The following ADD2 variants were observed in gnomAD, a reference collection of about 807,000 sequenced individuals.
ADD2 encodes adducin 2.
A neutral mutation model predicts 83.0 loss-of-function variants in ADD2; 23 were observed. The observed-to-expected ratio is 0.28, with a 90% confidence interval of 0.20 to 0.39. The LOEUF is 0.39. ADD2 is among the 10% of genes least tolerant of loss of function. The probability of loss-of-function intolerance (pLI) is 1.00; values close to 1 mark genes in which losing one functional copy is unlikely to be tolerated. For synonymous variants in ADD2, 375 were observed against 375.4 expected (o/e 1.00, Z 0.01); for missense variants, 758 against 944.9 (o/e 0.80, Z 2.59).
intron 9 of ADD2, among the ~76,000 whole-genome samples, chr2:70,685,787 C>T (rs555284863): frequency 1.7e-4 from 26 of 152,298 alleles, no homozygotes; most frequent in Admixed American, 1.7e-3. Flanking sequence ...GGAGAGACTG[C>T]CCACAACCTT....
rs1163035182 is a variant in ADD2, at chr2:70,695,067, A to G, written c.555+654T>C. On this transcript the variant is annotated intron_variant, in intron 6 of 15. Coordinates refer to ENST00000264436, the MANE Select transcript of ADD2 (RefSeq NM_001617.4). ...TGCCTAGATATTCTATGACTTGCTG[A>G]GCCTGGACTTTTGAGTGAGTAGCCG... Among the ~76,000 whole-genome samples the G allele has an allele frequency of 2.0e-5, 3 of 151,572 alleles. No individual in the cohort carries two copies. The East Asian group carries it at 5.8e-4, about 30-fold the overall frequency.
intron 1 of ADD2, among the ~76,000 whole-genome samples, chr2:70,753,572 A>C (rs1674621763): frequency 6.6e-6 from 1 of 151,186 alleles, no homozygotes; most frequent in Admixed American, 6.6e-5. Context: ...CCAGAGCAGC[A>C]TGTCAGGGAT....
intron 10 of ADD2, among the ~76,000 whole-genome samples, chr2:70,681,044 A>G (rs1670426167): frequency 6.6e-6 from 1 of 152,218 alleles, no homozygotes; most frequent in Non-Finnish European, 1.5e-5. Context: ...GGAAGAGGAA[A>G]GGGGCCTGAA....
At chr2:70,753,977 C>T (rs1033733462) in intron 1 of ADD2, among the ~76,000 whole-genome samples, 1 of 152,054 alleles carries the variant, frequency 6.6e-6, no homozygotes, top group Non-Finnish European at 1.5e-5. Flanking sequence ...TAGACAAGGG[C>T]GTCATCACAG....
chr2:70,673,072 G>T, intron 14 of ADD2, 66 bp from the exon 15 acceptor site: 3 of 1,572,882 alleles, frequency 1.9e-6, no homozygotes, highest in Non-Finnish European at 1.7e-6. Flanking sequence ...GGGAAATAAA[G>T]CCTTTTAAAA....
At chr2:70,750,326 A>G (rs919281923) in intron 1 of ADD2, among the ~76,000 whole-genome samples, 2 of 152,162 alleles carry the variant, frequency 1.3e-5, no homozygotes, top group South Asian at 4.1e-4. Flanking sequence ...CTCAAAATTC[A>G]TGTCCCCAAA....
At chr2:70,712,832 T>G (rs1356743295) in intron 2 of ADD2, among the ~76,000 whole-genome samples, 2 of 152,270 alleles carry the variant, frequency 1.3e-5, no homozygotes, top group East Asian at 3.9e-4. Context: ...CAGGATGCTG[T>G]AAAGGGGCTT....
intron 7 of ADD2, chr2:70,691,834 C>G (rs990039833): frequency 1.3e-5 from 2 of 152,258 alleles, no homozygotes; most frequent in African/African-American, 2.4e-5. Flanking sequence ...TGGGGGTCAG[C>G]AGGATAGGGT....
At chr2:70,670,311 T>C (rs965202149) in intron 15 of ADD2, among the ~76,000 whole-genome samples, 1 of 152,228 alleles carries the variant, frequency 6.6e-6, no homozygotes, top group Admixed American at 6.5e-5. Context: ...TGCTGTGGGT[T>C]AGGAAAGGCA....
intron 2 of ADD2, among the ~76,000 whole-genome samples, chr2:70,707,215 T>C (rs1460295955): frequency 6.6e-6 from 1 of 152,254 alleles, no homozygotes; most frequent in Non-Finnish European, 1.5e-5. Flanking sequence ...ATCAGATTCT[T>C]ATTCCAAGTT....
chr2:70,766,882 CAT>C (rs2104577291), intron 1 of ADD2, among the ~76,000 whole-genome samples: 1 of 152,350 alleles, frequency 6.6e-6, no homozygotes, highest in Non-Finnish European at 1.5e-5. Flanking sequence ...GGGTATTAAT[CAT>C]GTGTCAGAGA....
At chr2:70,667,727 T>A (rs1574213664) in intron 15 of ADD2, among the ~76,000 whole-genome samples, 1 of 113,156 alleles carries the variant, frequency 8.8e-6, no homozygotes, top group Non-Finnish European at 2.1e-5. Flanking sequence ...CAAGTGATTG[T>A]CCTGCCTCAG....
intron 4 of ADD2, among the ~76,000 whole-genome samples, chr2:70,699,268 G>A (rs1369995780): frequency 6.6e-6 from 1 of 152,094 alleles, no homozygotes; most frequent in Non-Finnish European, 1.5e-5. Flanking sequence ...GTGCATGTGA[G>A]TACTCACTGA....
intron 6 of ADD2, among the ~76,000 whole-genome samples, 198 bp from the exon 7 acceptor site, chr2:70,692,750 C>T (rs962807155): frequency 1.6e-4 from 24 of 152,022 alleles, no homozygotes; most frequent in Non-Finnish European, 2.9e-4. Flanking sequence ...GGGACACAGA[C>T]GATTATAATT....
rs377111791 is a variant in ADD2 at position 70,728,629 on chromosome 2, G to C, written c.-153-15445C>G. Among the ~76,000 whole-genome samples, 10 of 152,332 alleles carry C rather than the reference G, an allele frequency of 6.6e-5. 1 individual carries two copies. In the East Asian group the frequency reaches 1.3e-3, roughly 21 times the overall value. ...TCTAGAAAAACATGCTATGGACATT[G>C]CCCTTTTGCGAGTTATTTTATGATG... On this transcript the variant is annotated intron_variant, in intron 1 of 15. Transcript: ENST00000264436.
intron 1 of ADD2, among the ~76,000 whole-genome samples, chr2:70,756,782 A>G (rs957489359): frequency 7.2e-5 from 11 of 152,094 alleles, no homozygotes; most frequent in Non-Finnish European, 1.2e-4. Flanking sequence ...AAGAGAGGTG[A>G]AGAGATGGAG....
At chr2:70,722,284 C>G (rs1012851551) in intron 1 of ADD2, among the ~76,000 whole-genome samples, 10 of 152,050 alleles carry the variant, frequency 6.6e-5, no homozygotes, top group Non-Finnish European at 1.5e-4. Context: ...GATTGGCACA[C>G]CAATTATTTT....
chr2:70,676,623 C>T lies in ADD2; in HGVS notation c.1593+173G>A. The T allele has an allele frequency of 1.4e-6, 2 of 1,457,208 alleles. No homozygotes were observed. Among genetic ancestry groups the T allele is most frequent in the Non-Finnish European group, 1.8e-6 (2 of 1,097,980 alleles). 90.3% of individuals were successfully genotyped at this position (1,457,208 alleles called of 1,614,324 possible). On this transcript the variant is annotated intron_variant, in intron 13 of 15. Transcript: ENST00000264436. The surrounding 1 kb of genome is among the most constrained non-coding windows in gnomAD (Gnocchi z 4.8). ...GCCATCAGACATTGTCCTCCCTGGT[C>T]CTCACAGCACCCCTGTGAGGTTGGC...
intron 1 of ADD2, among the ~76,000 whole-genome samples, chr2:70,753,839 C>T (rs1276333091): frequency 2.0e-5 from 3 of 152,296 alleles, no homozygotes; most frequent in Non-Finnish European, 4.4e-5. Context: ...ATGCTTCATT[C>T]CTCCAAAATG....
Sources: allele counts gnomAD v4.1 joint callset (sites outside exome capture counted in the v4.1 genomes callset), GRCh38; gene constraint gnomAD v4.1.1; non-coding constraint Gnocchi (gnomAD v3.1); transcripts MANE v1.5; gene names NCBI Gene and HGNC (gene_info 2026-07-23, HGNC 2026-07-21).